The following ACOT11 variants were observed in gnomAD, a reference collection of about 807,000 sequenced individuals.
The protein encoded by ACOT11 is acyl-coenzyme A thioesterase 11.
In ACOT11, 69 loss-of-function variants were observed where a neutral mutation model predicts 77.5. The ratio of observed to expected loss-of-function variants is 0.89; its 90% CI spans 0.73 to 1.09. ACOT11 has a LOEUF of 1.09. ACOT11 is among the 50% of genes least tolerant of loss of function. The pLI is 0.00. For synonymous variants in ACOT11, 279 were observed against 313.0 expected (o/e 0.89, Z 1.15); for missense variants, 766 against 813.7 (o/e 0.94, Z 0.71).
exon 17 of ACOT11, chr1:54,638,313 G>A (rs1644342422): frequency 6.6e-6 from 1 of 152,200 alleles, no homozygotes; most frequent in African/African-American, 2.4e-5. Flanking sequence ...AATGTTTTGA[G>A]AATGAGAATT....
At chr1:54,588,832 T>G (rs683024) in intron 3 of ACOT11, among the ~76,000 whole-genome samples, 112,466 of 151,894 alleles carry the variant, frequency 0.74, 42,445 homozygotes, top group African/African-American at 0.9. Flanking sequence ...GAGGCTGTGG[T>G]TGGAAGGGAA....
intron 15 of ACOT11, chr1:54,623,447 A>G: frequency 7.2e-7 from 1 of 1,383,818 alleles, no homozygotes. Flanking sequence ...AGAGTCCCTG[A>G]GGCTCCCTGC....
At chr1:54,586,263 T>A (rs951225690) in intron 3 of ACOT11, among the ~76,000 whole-genome samples, 16 of 151,764 alleles carry the variant, frequency 1.1e-4, no homozygotes, top group African/African-American at 3.9e-4. Context: ...TGAGTGCCTT[T>A]TTGAGCTTGG....
chr1:54,576,934 G>A (rs1340953251), intron 1 of ACOT11, among the ~76,000 whole-genome samples: 1 of 152,148 alleles, frequency 6.6e-6, no homozygotes, highest in Admixed American at 6.6e-5. Context: ...AGGAAACTAA[G>A]GCCCAGACAT....
At chr1:54,603,395 C>G (rs1363994223) in intron 10 of ACOT11, among the ~76,000 whole-genome samples, 1 of 152,124 alleles carries the variant, frequency 6.6e-6, no homozygotes, top group Non-Finnish European at 1.5e-5. Context: ...TCTGACTCTG[C>G]TGTGAAAGCA....
At chr1:54,613,315 G>A (rs1016371848), downstream of ACOT11, among the ~76,000 whole-genome samples, 6 of 151,958 alleles carry the variant, frequency 3.9e-5, no homozygotes, top group African/African-American at 1.2e-4. Flanking sequence ...GGAGGCGGAG[G>A]TTGTGGTGAG....
chr1:54,633,025 G>T (rs1644309860), intron 16 of ACOT11, among the ~76,000 whole-genome samples: 1 of 152,128 alleles, frequency 6.6e-6, no homozygotes, highest in South Asian at 2.1e-4. Flanking sequence ...CATGAAATGG[G>T]GTATGTCCCT....
chr1:54,609,524 C>T lies in ACOT11; in HGVS notation c.*412C>T. The T allele has an allele frequency of 6.2e-7, 1 of 1,613,046 alleles. No individual in the cohort carries two copies. Among genetic ancestry groups the T allele is most frequent in the Middle Eastern group, 1.7e-4 (1 of 6,046 alleles). The stretch of plus-strand genomic sequence containing the variant: ...GGACACAGGTTGCCAGAGCCCCTGG[C>T]ACAACTCTAGCATATCTGTGAGCAG... On this transcript the variant is annotated 3_prime_UTR_variant, in exon 16 of 16. Coordinates refer to ENST00000343744, the MANE Select transcript of ACOT11 (RefSeq NM_147161.4).
At chr1:54,560,233 C>T (rs1056075919) in intron 1 of ACOT11, among the ~76,000 whole-genome samples, 3 of 152,120 alleles carry the variant, frequency 2.0e-5, no homozygotes, top group Non-Finnish European at 4.4e-5. Context: ...AGGGAAGCAC[C>T]AAGATAGCCC....
downstream of ACOT11, among the ~76,000 whole-genome samples, chr1:54,615,154 GTC>G (rs1211851037): frequency 6.6e-6 from 1 of 152,164 alleles, no homozygotes. Context: ...TGGGAATCAA[GTC>G]TCTGCTGAAA....
chr1:54,554,351 A>ATATATATATTT (rs1553161034), intron 1 of ACOT11, among the ~76,000 whole-genome samples: 3 of 97,256 alleles, frequency 3.1e-5, no homozygotes, highest in South Asian at 3.5e-4. Flanking sequence ...ATATATATAT[A>ATATATATATTT]TTTTTTTTTT....
At chr1:54,601,526 C>G in intron 9 of ACOT11, 113 bp downstream of exon 9, 1 of 1,458,832 alleles carries the variant, frequency 6.9e-7, no homozygotes. Context: ...GGGGCCCACC[C>G]TACCCCCGTG....
intron 1 of ACOT11, among the ~76,000 whole-genome samples, chr1:54,575,869 A>T (rs1654096289): frequency 6.6e-6 from 1 of 152,220 alleles, no homozygotes; most frequent in Non-Finnish European, 1.5e-5. Flanking sequence ...CAAGCTGCAC[A>T]TGAGGACCTG....
chr1:54,552,858 G>A (rs1357253780), intron 1 of ACOT11, among the ~76,000 whole-genome samples: 4 of 140,158 alleles, frequency 2.9e-5, no homozygotes, highest in Non-Finnish European at 4.6e-5. Context: ...ACGGAGTTTC[G>A]CTCTTGTTGC....
intron 3 of ACOT11, among the ~76,000 whole-genome samples, chr1:54,587,443 G>A (rs1654543307): frequency 1.3e-5 from 2 of 151,586 alleles, no homozygotes; most frequent in Non-Finnish European, 2.9e-5. Flanking sequence ...AACCCAGGAG[G>A]CAGAGGTTGT....
At chr1:54,558,033 A>G (rs11809810) in intron 1 of ACOT11, among the ~76,000 whole-genome samples, 8,611 of 152,180 alleles carry the variant, frequency 0.057, 815 homozygotes, top group African/African-American at 0.2. Context: ...CTGGGCTATC[A>G]TTTCCCCTTT....
intron 1 of ACOT11, among the ~76,000 whole-genome samples, chr1:54,560,966 G>A: frequency 6.6e-6 from 1 of 151,996 alleles, no homozygotes; most frequent in South Asian, 2.1e-4. Context: ...TAGGCAATCT[G>A]CCCACCTCGG....
At chr1:54,571,496 C>T (rs1653930447) in intron 1 of ACOT11, among the ~76,000 whole-genome samples, 1 of 152,194 alleles carries the variant, frequency 6.6e-6, no homozygotes, top group Non-Finnish European at 1.5e-5. Flanking sequence ...TCAGCTGCCT[C>T]TGCCAGAGAC....
chr1:54,622,912 C>T (rs938350002), intron 15 of ACOT11, among the ~76,000 whole-genome samples: 1 of 151,972 alleles, frequency 6.6e-6, no homozygotes, highest in Non-Finnish European at 1.5e-5. Context: ...TGATGACTCA[C>T]ACCTGTAATC....
Sources: allele counts gnomAD v4.1 joint callset (sites outside exome capture counted in the v4.1 genomes callset), GRCh38; gene constraint gnomAD v4.1.1; transcripts MANE v1.5; gene names NCBI Gene and HGNC (gene_info 2026-07-23, HGNC 2026-07-21).